The following NUP153 variants were observed in gnomAD, a reference collection of about 807,000 sequenced individuals.
NUP153 encodes the protein nuclear pore complex protein Nup153.
Under a neutral mutation model 134.6 loss-of-function variants are expected in NUP153, and 27 were observed. That is an observed-to-expected ratio of 0.20 (90% CI 0.15 to 0.28). The LOEUF is 0.28. Among genes scored for constraint, NUP153 ranks in the 10% least tolerant of loss-of-function variants. The probability of loss-of-function intolerance (pLI) is 1.00; values close to 1 mark genes in which losing one functional copy is unlikely to be tolerated. For missense variants in NUP153, 1,821 were observed against 1,731.3 expected, an observed-to-expected ratio of 1.05 and a Z score of -0.92; for synonymous variants, 640 against 623.5, an observed-to-expected ratio of 1.03 and a Z score of -0.40.
rs767926250 is a variant in NUP153 at position 17,629,195 on chromosome 6, C to A, written c.3004G>T (p.Val1002Leu). ...TTTTCTTCCTGTCCAAGATTAGATA[C>A]CCCAAATTGAAATGGAGTTAAAGAA... ...PVSLTPFQFG[V>L]SNLGQEEKKE... is the part of the protein sequence containing the mutation. Residue 1002 changes from valine to leucine, a missense_variant, in exon 18 of 22, where the codon GTA becomes TTA. By Grantham distance (32) the Val-to-Leu change is conservative. Transcript: ENST00000262077. 4.3e-6 allele frequency: 7 copies of A among 1,613,202 alleles called. No homozygotes were observed. Among genetic ancestry groups the A allele is most frequent in the South Asian group, 1.1e-5 (1 of 90,806 alleles).
chr6:17,622,137 C>T (rs530883030), intron 20 of NUP153, among the ~76,000 whole-genome samples: 1 of 152,232 alleles, frequency 6.6e-6, no homozygotes, highest in African/African-American at 2.4e-5. Context: ...AGTTATGCTG[C>T]TACCCAGAGT....
chr6:17,621,477 C>T (rs983565412), intron 20 of NUP153, among the ~76,000 whole-genome samples: 2 of 152,230 alleles, frequency 1.3e-5, no homozygotes, highest in Admixed American at 1.3e-4. Flanking sequence ...CAGATGGATA[C>T]AGAAAATGTG....
At chr6:17,618,469 TG>T (rs200423236) in intron 20 of NUP153, among the ~76,000 whole-genome samples, 1 of 149,698 alleles carries the variant, frequency 6.7e-6, no homozygotes, top group African/African-American at 2.5e-5. Context: ...GAGAGTTGGG[TG>T]GGGGGGAACC....
intron 19 of NUP153, 23 bp from the exon 20 acceptor site, chr6:17,624,856 A>C (rs959678578): frequency 1.3e-6 from 2 of 1,551,582 alleles, no homozygotes; most frequent in Non-Finnish European, 1.7e-6. Flanking sequence ...AGAAACACTT[A>C]AGTCACCATG....
At chr6:17,661,237 C>T (rs1767155684) in intron 11 of NUP153, among the ~76,000 whole-genome samples, 1 of 152,082 alleles carries the variant, frequency 6.6e-6, no homozygotes, top group Admixed American at 6.6e-5. Flanking sequence ...TTGCTTGAAC[C>T]CAGGAGGCAG....
At chr6:17,679,869 A>G (rs1329940095) in intron 2 of NUP153, among the ~76,000 whole-genome samples, 1 of 152,150 alleles carries the variant, frequency 6.6e-6, no homozygotes, top group Non-Finnish European at 1.5e-5. Context: ...TCCAAAATCA[A>G]ACCAAGGTTG....
chr6:17,647,448 G>A (rs761091088), intron 13 of NUP153, among the ~76,000 whole-genome samples: 12 of 152,186 alleles, frequency 7.9e-5, no homozygotes, highest in Non-Finnish European at 8.8e-5. Flanking sequence ...GGATAATGGG[G>A]AAATCTGAAT....
At chr6:17,655,458 C>CTT (rs112496979) in intron 11 of NUP153, among the ~76,000 whole-genome samples, 284 of 147,208 alleles carry the variant, frequency 1.9e-3, no homozygotes, top group Middle Eastern at 0.014. Context: ...CTTATTATTA[C>CTT]TTTTTTTTTT....
chr6:17,694,754 G>C (rs1183877187), intron 1 of NUP153, among the ~76,000 whole-genome samples: 1 of 150,034 alleles, frequency 6.7e-6, no homozygotes, highest in Non-Finnish European at 1.5e-5. Context: ...TGAAGAGGGA[G>C]AATCACGAGG....
intron 2 of NUP153, among the ~76,000 whole-genome samples, chr6:17,685,784 A>G (rs1023627647): frequency 6.6e-6 from 1 of 152,052 alleles, no homozygotes; most frequent in Non-Finnish European, 1.5e-5. Context: ...ATAATAAATG[A>G]CTATGTAACT....
At chr6:17,629,964 A>G (rs57816538) in intron 17 of NUP153, among the ~76,000 whole-genome samples, 2 of 152,240 alleles carry the variant, frequency 1.3e-5, no homozygotes, top group African/African-American at 4.8e-5. Flanking sequence ...AGATAAACTC[A>G]TAGACATGCA....
intron 1 of NUP153, among the ~76,000 whole-genome samples, chr6:17,694,572 G>A (rs1428198302): frequency 6.6e-6 from 1 of 152,014 alleles, no homozygotes; most frequent in Non-Finnish European, 1.5e-5. Flanking sequence ...GGGAAGAATC[G>A]CTTGAACCTG....
In NUP153 at chr6:17,675,511, G is replaced by A. The variant is rs370416278; in HGVS notation, c.583+11C>T. ...CTACCCAAATTATGTACTACCACAT[G>A]TCAAGAATACCTTTATCAGAAGCTC... is the stretch of plus-strand genomic sequence containing the variant. On this transcript the variant is annotated intron_variant, in intron 3 of 21. Transcript: ENST00000262077. This position sits in a 1 kb window ranked among gnomAD's most constrained non-coding sequence, Gnocchi z 4.4. 1 of 1,613,282 alleles carries A rather than the reference G, an allele frequency of 6.2e-7. No individual in the cohort carries two copies.
At chr6:17,696,636 T>A (rs1233074674) in intron 1 of NUP153, among the ~76,000 whole-genome samples, 1 of 152,050 alleles carries the variant, frequency 6.6e-6, no homozygotes, top group Non-Finnish European at 1.5e-5. Flanking sequence ...ATGCCTGTAG[T>A]CCCAGCTCCT....
At chr6:17,620,252 C>T (rs1429011853) in intron 20 of NUP153, among the ~76,000 whole-genome samples, 1 of 152,032 alleles carries the variant, frequency 6.6e-6, no homozygotes, top group African/African-American at 2.4e-5. Context: ...CTACACAAAG[C>T]TATACTTACC....
At chr6:17,655,451 A>AAAAAAAAAAAAAAG (rs1766757795) in intron 11 of NUP153, among the ~76,000 whole-genome samples, 1 of 131,768 alleles carries the variant, frequency 7.6e-6, no homozygotes, top group East Asian at 2.7e-4. Context: ...CTTTAATCTT[A>AAAAAAAAAAAAAAG]TTATTACTTT....
chr6:17,645,949 G>T, intron 14 of NUP153, 118 bp downstream of exon 14: 1 of 461,538 alleles, frequency 2.2e-6, no homozygotes. Flanking sequence ...TTGCTTTTCA[G>T]AGCTAATTTC....
rs2113771783 is a variant in NUP153, at chr6:17,628,617, A to AAG, written c.3544+37_3544+38insCT. On this transcript the variant is annotated intron_variant, in intron 18 of 21. Coordinates refer to ENST00000262077, the MANE Select transcript of NUP153 (RefSeq NM_005124.4). The surrounding 1 kb of genome is among the most constrained non-coding windows in gnomAD (Gnocchi z 5.4). ...TTGTAAAACGACAACTTGTAAAAAAAAAAATAATAATAATAATAATAAAAA... is the reference window on the plus strand; with the variant it reads ...TTGTAAAACGACAACTTGTAAAAAAAAGAAAATAATAATAATAATAATAAAAA... 8.5e-7 allele frequency: 1 copy of AAG among 1,174,546 alleles called. No individual in the cohort carries two copies. The highest frequency in any genetic ancestry group is 3.2e-5 in the East Asian group (1 of 31,596). The allele number at this position is 1,174,546 out of a possible 1,614,324, so 72.8% of individuals were successfully genotyped here.
chr6:17,630,311 A>C (rs1765171208), intron 17 of NUP153, among the ~76,000 whole-genome samples: 1 of 152,220 alleles, frequency 6.6e-6, no homozygotes. Context: ...AAGCATTTAA[A>C]AAAGGAAGGC....
Sources: gnomAD v4.1 joint callset for allele counts (sites outside exome capture counted in the v4.1 genomes callset) on GRCh38, gnomAD v4.1.1 for gene constraint, Gnocchi (gnomAD v3.1) non-coding constraint, MANE v1.5 for transcripts, NCBI Gene and HGNC (gene_info 2026-07-23, HGNC 2026-07-21) for gene names.